The following LHFPL6 variants were observed in gnomAD, a reference collection of about 807,000 sequenced individuals.
LHFPL6 encodes LHFPL tetraspan subfamily member 6 protein.
A neutral mutation model predicts 20.6 loss-of-function variants in LHFPL6; 9 were observed. The observed-to-expected ratio is 0.44, with a 90% confidence interval of 0.26 to 0.76. LHFPL6 has a LOEUF of 0.76. Among genes scored for constraint, LHFPL6 ranks in the 30% least tolerant of loss-of-function variants. The pLI is 0.20. For missense variants in LHFPL6, 218 were observed against 253.5 expected, an observed-to-expected ratio of 0.86 and a Z score of 0.95; for synonymous variants, 105 against 98.7, an observed-to-expected ratio of 1.06 and a Z score of -0.38.
intron 2 of LHFPL6, among the ~76,000 whole-genome samples, chr13:39,572,878 C>T (rs573777100): frequency 6.6e-6 from 1 of 152,274 alleles, no homozygotes; most frequent in African/African-American, 2.4e-5. Flanking sequence ...CCAAGTCAGC[C>T]AGTCACATGG....
At chr13:39,560,727 G>A (rs1313318875) in intron 2 of LHFPL6, among the ~76,000 whole-genome samples, 1 of 152,056 alleles carries the variant, frequency 6.6e-6, no homozygotes, top group Non-Finnish European at 1.5e-5. Context: ...GTGTTAGCCA[G>A]GATGGTCTCT....
intron 2 of LHFPL6, among the ~76,000 whole-genome samples, chr13:39,493,371 C>T (rs184306948): frequency 4.0e-5 from 6 of 150,880 alleles, no homozygotes; most frequent in Admixed American, 4.0e-4. Flanking sequence ...TCAATGGGCA[C>T]CAAAGCATTA....
chr13:39,578,841 C>T (rs1413530598), intron 2 of LHFPL6, among the ~76,000 whole-genome samples: 1 of 152,124 alleles, frequency 6.6e-6, no homozygotes, highest in African/African-American at 2.4e-5. Context: ...AGATTCCCTC[C>T]AGCTGGGCAA....
At chr13:39,360,882 C>T (rs139685423) in intron 3 of LHFPL6, among the ~76,000 whole-genome samples, 999 of 97,434 alleles carry the variant, frequency 0.01, 267 homozygotes, top group African/African-American at 0.029. Context: ...TCTGTTGAAT[C>T]TCTCTTGCCC....
chr13:39,563,543 C>A (rs1443870467), intron 2 of LHFPL6, among the ~76,000 whole-genome samples: 2 of 152,140 alleles, frequency 1.3e-5, no homozygotes, highest in African/African-American at 4.8e-5. Flanking sequence ...TAAAAGCTCA[C>A]AAGTCAGCAG....
chr13:39,494,980 C>T (rs926722096), intron 2 of LHFPL6, among the ~76,000 whole-genome samples: 3 of 152,198 alleles, frequency 2.0e-5, no homozygotes, highest in African/African-American at 7.2e-5. Flanking sequence ...TATACTGCCC[C>T]ACCACTGCAT....
intron 2 of LHFPL6, among the ~76,000 whole-genome samples, chr13:39,385,735 C>A (rs886404219): frequency 6.6e-6 from 1 of 152,172 alleles, no homozygotes; most frequent in African/African-American, 2.4e-5. Context: ...ACTTAGCCAG[C>A]GGACTATTAA....
At chr13:39,504,646 C>A (rs767411398) in intron 2 of LHFPL6, among the ~76,000 whole-genome samples, 1 of 152,158 alleles carries the variant, frequency 6.6e-6, no homozygotes, top group African/African-American at 2.4e-5. Context: ...ACTAAGGACA[C>A]CAGTTACATT....
intron 2 of LHFPL6, among the ~76,000 whole-genome samples, chr13:39,442,742 T>C (rs1872173573): frequency 6.6e-6 from 1 of 152,230 alleles, no homozygotes; most frequent in African/African-American, 2.4e-5. Context: ...GCCTTGTCTT[T>C]GTTCTCCCTC....
chr13:39,365,730 G>A (rs2138348857), intron 3 of LHFPL6, among the ~76,000 whole-genome samples: 1 of 152,218 alleles, frequency 6.6e-6, no homozygotes, highest in East Asian at 1.9e-4. Context: ...TAGGTATTTG[G>A]ACGACCAACT....
intron 2 of LHFPL6, among the ~76,000 whole-genome samples, chr13:39,578,055 T>C (rs1428253890): frequency 1.3e-5 from 2 of 152,202 alleles, no homozygotes; most frequent in Non-Finnish European, 2.9e-5. Flanking sequence ...AGACACGTTA[T>C]CCATCAACCA....
In LHFPL6 at chr13:39,352,956, T is replaced by C. The variant is rs1315895325; in HGVS notation, c.485-8902A>G. Among the ~76,000 whole-genome samples, 402 of 101,582 alleles carry C rather than the reference T, an allele frequency of 4.0e-3. 7 individuals carry two copies. The highest frequency in any genetic ancestry group is 8.7e-3 in the African/African-American group (193 of 22,162). The allele number at this position is 101,582 out of a possible 152,430, so 66.6% of individuals were successfully genotyped here. A position where few individuals can be genotyped will look rare whatever the true frequency, so the allele number is the denominator to read the frequency against. On this transcript the variant is annotated intron_variant, in intron 3 of 3. Coordinates refer to ENST00000379589, the MANE Select transcript of LHFPL6 (RefSeq NM_005780.3). ...ATATATGTGTGTATATATATATACA[T>C]ACATACACACACACACATATATATA... is the stretch of plus-strand genomic sequence containing the variant.
chr13:39,462,341 T>A (rs1442690725), intron 2 of LHFPL6, among the ~76,000 whole-genome samples: 1 of 152,184 alleles, frequency 6.6e-6, no homozygotes, highest in African/African-American at 2.4e-5. Flanking sequence ...GCTGCCTTGA[T>A]AGACTACAGT....
chr13:39,514,393 A>G (rs1171779960), intron 2 of LHFPL6, among the ~76,000 whole-genome samples: 1 of 152,158 alleles, frequency 6.6e-6, no homozygotes, highest in African/African-American at 2.4e-5. Flanking sequence ...TCTCTTGATG[A>G]TGAGGGATTA....
At chr13:39,359,174 C>A (rs934835105) in intron 3 of LHFPL6, among the ~76,000 whole-genome samples, 1 of 152,030 alleles carries the variant, frequency 6.6e-6, no homozygotes, top group African/African-American at 2.4e-5. Flanking sequence ...AACAAAACAC[C>A]TAAAAACATA....
At chr13:39,459,992 T>C (rs907006548) in intron 2 of LHFPL6, among the ~76,000 whole-genome samples, 1 of 152,144 alleles carries the variant, frequency 6.6e-6, no homozygotes, top group Non-Finnish European at 1.5e-5. Context: ...AGTAAGAGGA[T>C]CTTTTCTTTA....
At chr13:39,352,861 A>G (rs9548741) in intron 3 of LHFPL6, among the ~76,000 whole-genome samples, 2 of 61,722 alleles carry the variant, frequency 3.2e-5, no homozygotes, top group Non-Finnish European at 5.9e-5. Context: ...ATGTATATAT[A>G]TGTGTATATA....
At chr13:39,537,343 A>G (rs954952123) in intron 2 of LHFPL6, among the ~76,000 whole-genome samples, 1 of 152,218 alleles carries the variant, frequency 6.6e-6, no homozygotes, top group African/African-American at 2.4e-5. Flanking sequence ...AATAATAGGT[A>G]TAAAGCAAAA....
chr13:39,489,551 C>CA (rs1555264605), intron 2 of LHFPL6, among the ~76,000 whole-genome samples: 3 of 148,542 alleles, frequency 2.0e-5, no homozygotes, highest in Admixed American at 2.0e-4. Flanking sequence ...TATGCTGTGG[C>CA]TTTTTTTTTG....
Sources: gnomAD v4.1 joint callset for allele counts (sites outside exome capture counted in the v4.1 genomes callset) on GRCh38, gnomAD v4.1.1 for gene constraint, MANE v1.5 for transcripts, NCBI Gene and HGNC (gene_info 2026-07-23, HGNC 2026-07-21) for gene names.